CORIN: variants seen among roughly 807,000 people sequenced by gnomAD.
CORIN encodes corin, serine peptidase.
In CORIN, 117 loss-of-function variants were observed where a neutral mutation model predicts 125.3. That is an observed-to-expected ratio of 0.93 (90% CI 0.80 to 1.09). The LOEUF is 1.09. Among genes scored for constraint, CORIN ranks in the 50% least tolerant of loss-of-function variants. The pLI is 0.00. For synonymous variants in CORIN, 450 were observed against 466.4 expected, an observed-to-expected ratio of 0.96 and a Z score of 0.45; for missense variants, 1,253 against 1,306.7, an observed-to-expected ratio of 0.96 and a Z score of 0.63.
intron 1 of CORIN, among the ~76,000 whole-genome samples, chr4:47,831,967 T>TA (rs1733030184): frequency 6.6e-6 from 1 of 152,216 alleles, no homozygotes; most frequent in Non-Finnish European, 1.5e-5. Flanking sequence ...GAAGGGGTCC[T>TA]ACGTAGTGAG....
intron 5 of CORIN, among the ~76,000 whole-genome samples, chr4:47,740,926 C>T (rs1230673806): frequency 6.6e-6 from 1 of 151,980 alleles, no homozygotes; most frequent in Non-Finnish European, 1.5e-5. Flanking sequence ...TGGACTCCTA[C>T]TTCACAACAT....
At chr4:47,833,521 C>CAA (rs75657429) in intron 1 of CORIN, among the ~76,000 whole-genome samples, 5 of 115,038 alleles carry the variant, frequency 4.3e-5, no homozygotes, top group Non-Finnish European at 5.2e-5. Flanking sequence ...AAAGCATAGG[C>CAA]AAAAAAAAAA....
chr4:47,713,667 C>G (rs557628536), intron 5 of CORIN, among the ~76,000 whole-genome samples: 3 of 152,276 alleles, frequency 2.0e-5, no homozygotes, highest in African/African-American at 7.2e-5. Context: ...GATGTAATCA[C>G]AGCAGTCCCG....
At chr4:47,634,424 G>A (rs763764144) in intron 16 of CORIN, among the ~76,000 whole-genome samples, 15 of 152,222 alleles carry the variant, frequency 9.9e-5, no homozygotes, top group Middle Eastern at 3.4e-3. Context: ...ACGTGAGGTC[G>A]GGAGTTCAAG....
At chr4:47,620,477 G>C (rs1722261578) in intron 19 of CORIN, among the ~76,000 whole-genome samples, 1 of 152,236 alleles carries the variant, frequency 6.6e-6, no homozygotes. Flanking sequence ...ATTATAGAGT[G>C]TTATTCCAAA....
At chr4:47,643,063 C>T in intron 15 of CORIN, 83 bp downstream of exon 15, 1 of 1,604,326 alleles carries the variant, frequency 6.2e-7, no homozygotes, top group Non-Finnish European at 8.5e-7. Flanking sequence ...CAGTAAAATC[C>T]AGGAAGTAAT....
Position 47,837,891 on chromosome 4 carries a change from T to G in CORIN, c.59A>C (p.Lys20Thr). Residue 20 changes from lysine to threonine, a missense_variant, in exon 1 of 22, where the codon AAG (lysine) becomes ACG (threonine). Coordinates refer to ENST00000273857, the MANE Select transcript of CORIN (RefSeq NM_006587.4). ...ACAGCGAATCATCGATCTTACCGGC[T>G]TTGGGGACCCGGCTCTGCGGCAGCG... The part of the protein sequence containing the change: ...EERCRRAGSP[K>T]PVLRADDNNM... The G allele has an allele frequency of 5.6e-6, 9 of 1,613,656 alleles. No individual in the cohort carries two copies. Among genetic ancestry groups the G allele is most frequent in the Non-Finnish European group, 6.8e-6 (8 of 1,179,902 alleles).
chr4:47,697,388 G>T (rs781156151), intron 5 of CORIN, among the ~76,000 whole-genome samples: 1 of 152,088 alleles, frequency 6.6e-6, no homozygotes, highest in Non-Finnish European at 1.5e-5. Context: ...TTTTCAGTAG[G>T]TATGGATGAG....
chr4:47,731,245 T>C (rs1261377188), intron 5 of CORIN, among the ~76,000 whole-genome samples: 1 of 152,198 alleles, frequency 6.6e-6, no homozygotes, highest in African/African-American at 2.4e-5. Flanking sequence ...ACATGCCTTT[T>C]AGAAACTCAA....
chr4:47,632,766 G>GATAT (rs746921612), intron 16 of CORIN, among the ~76,000 whole-genome samples: 10 of 63,408 alleles, frequency 1.6e-4, no homozygotes, highest in South Asian at 4.1e-4. Context: ...TAGATAGATA[G>GATAT]AGATAGATAG....
chr4:47,780,784 T>G (rs781635772), intron 3 of CORIN, among the ~76,000 whole-genome samples: 1 of 152,136 alleles, frequency 6.6e-6, no homozygotes, highest in Non-Finnish European at 1.5e-5. Flanking sequence ...GAACAGAGTT[T>G]TTGTTTGTTA....
intron 7 of CORIN, chr4:47,682,965 C>T (rs889457846): frequency 1.3e-5 from 2 of 152,204 alleles, no homozygotes; most frequent in Admixed American, 6.5e-5. Context: ...GCTGATCCTT[C>T]CCAAACATTC....
In CORIN at chr4:47,744,339, T is replaced by TCC. The variant is rs1421915356; in HGVS notation, c.799+61_799+62dup. 4 of 1,404,270 alleles carry TCC rather than the reference T, an allele frequency of 2.8e-6. No homozygotes were observed. The Admixed American group carries it at 7.2e-5, about 25-fold the overall frequency. The allele number at this position is 1,404,270 out of a possible 1,614,324, so 87.0% of individuals were successfully genotyped here. A position where few individuals can be genotyped will look rare whatever the true frequency, so the allele number is the denominator to read the frequency against. ...CTGTACACTTATTATTTATATCCAT[T>TCC]CCTGTATAAATGGCATACTCAAATA... is the stretch of plus-strand genomic sequence containing the variant. On this transcript the variant is annotated intron_variant, in intron 5 of 21. Coordinates refer to ENST00000273857, the MANE Select transcript of CORIN (RefSeq NM_006587.4).
intron 13 of CORIN, among the ~76,000 whole-genome samples, chr4:47,647,975 A>C (rs1560487878): frequency 6.6e-6 from 1 of 152,170 alleles, no homozygotes; most frequent in Non-Finnish European, 1.5e-5. Context: ...TTCACTTTTC[A>C]CCTCTCCATG....
At chr4:47,828,881 C>G (rs567414677) in intron 1 of CORIN, among the ~76,000 whole-genome samples, 15 of 152,018 alleles carry the variant, frequency 9.9e-5, no homozygotes, top group African/African-American at 3.6e-4. Flanking sequence ...AAGGTAGGCC[C>G]GGCGCGGTGG....
At chr4:47,825,270 A>G (rs901611204) in intron 1 of CORIN, among the ~76,000 whole-genome samples, 2 of 152,178 alleles carry the variant, frequency 1.3e-5, no homozygotes, top group African/African-American at 4.8e-5. Flanking sequence ...CTTTCCTGGC[A>G]ATTATGTGGC....
chr4:47,824,510 CAG>C (rs2109980421), intron 1 of CORIN, among the ~76,000 whole-genome samples: 1 of 152,190 alleles, frequency 6.6e-6, no homozygotes, highest in African/African-American at 2.4e-5. Flanking sequence ...TTTGTAGAGA[CAG>C]AGTCTCAGTA....
intron 5 of CORIN, among the ~76,000 whole-genome samples, chr4:47,709,085 A>G (rs1457028349): frequency 6.6e-6 from 1 of 152,072 alleles, no homozygotes; most frequent in Non-Finnish European, 1.5e-5. Context: ...CTCCCTTTCC[A>G]TTTGTCGTTA....
At chr4:47,626,642 A>G in intron 16 of CORIN, 121 bp from the exon 17 acceptor site, 1 of 742,720 alleles carries the variant, frequency 1.3e-6, no homozygotes, top group Non-Finnish European at 2.4e-6. Flanking sequence ...ACATTTCAAG[A>G]GGAGAATTTG....
Sources: gnomAD v4.1 joint callset for allele counts (sites outside exome capture counted in the v4.1 genomes callset) on GRCh38, gnomAD v4.1.1 for gene constraint, MANE v1.5 for transcripts, NCBI Gene and HGNC (gene_info 2026-07-23, HGNC 2026-07-21) for gene names.